The following PRIM2 variants were observed in gnomAD, a reference collection of about 807,000 sequenced individuals.
The protein encoded by PRIM2 is DNA primase subunit 2, also known as DNA primase large subunit.
PRIM2 carries 39 observed loss-of-function variants against 67.3 expected under a neutral mutation model. The observed-to-expected ratio is 0.58, with a 90% CI of 0.45 to 0.76. PRIM2 has a LOEUF of 0.76. Among genes scored for constraint, PRIM2 ranks in the 30% least tolerant of loss-of-function variants. The probability of loss-of-function intolerance (pLI) is 0.00; values close to 1 mark genes in which losing one functional copy is unlikely to be tolerated. For synonymous variants in PRIM2, 143 were observed against 198.7 expected (o/e 0.72, Z 2.36); for missense variants, 398 against 598.7 (o/e 0.66, Z 3.50).
At chr6:57,603,490 G>A (rs1287304123) in intron 11 of PRIM2, among the ~76,000 whole-genome samples, 1 of 152,058 alleles carries the variant, frequency 6.6e-6, no homozygotes, top group Admixed American at 6.6e-5. Flanking sequence ...TCAGATAGTT[G>A]TAAGTATGCT....
chr6:57,298,538 G>A, the PRIM2 span, among the ~76,000 whole-genome samples: 1 of 152,126 alleles, frequency 6.6e-6, no homozygotes, highest in East Asian at 1.9e-4. Flanking sequence ...TGGGAAGCAG[G>A]GCTCGGGGCA....
intron 5 of PRIM2, among the ~76,000 whole-genome samples, chr6:57,357,366 G>C (rs1769064249): frequency 6.6e-6 from 1 of 152,094 alleles, no homozygotes; most frequent in Admixed American, 6.5e-5. Context: ...GTTACCTCAA[G>C]CTCTCATCCC....
At chr6:57,612,265 C>T (rs1414683139) in intron 12 of PRIM2, among the ~76,000 whole-genome samples, 4 of 152,108 alleles carry the variant, frequency 2.6e-5, no homozygotes, top group African/African-American at 7.2e-5. Flanking sequence ...AAGCATAAGT[C>T]CACATAAAAA....
At chr6:57,497,907 A>G (rs1309798044) in intron 7 of PRIM2, among the ~76,000 whole-genome samples, 2 of 152,314 alleles carry the variant, frequency 1.3e-5, no homozygotes, top group Non-Finnish European at 1.5e-5. Flanking sequence ...ATTTGGTTCC[A>G]GGAGCAAGGG....
At chr6:57,407,600 C>T (rs1368846447) in intron 7 of PRIM2, among the ~76,000 whole-genome samples, 3 of 152,272 alleles carry the variant, frequency 2.0e-5, no homozygotes, top group East Asian at 1.9e-4. Context: ...CCTTCAAATA[C>T]GTATCATTTG....
the PRIM2 span, among the ~76,000 whole-genome samples, chr6:57,298,443 G>A: frequency 6.6e-6 from 1 of 152,076 alleles, no homozygotes; most frequent in African/African-American, 2.4e-5. Context: ...CTGGTACACT[G>A]TGCTGAGGGA....
Position 57,471,619 on chromosome 6 carries a change from G to A in PRIM2, c.694-35768G>A, listed in dbSNP as rs1257399566. Among the ~76,000 whole-genome samples, 5 of 152,294 alleles carry A rather than the reference G, an allele frequency of 3.3e-5. No individual in the cohort carries two copies. In the South Asian group the frequency reaches 1.0e-3, roughly 32 times the overall value. Reference sequence around the variant, plus strand: ...GCTACATGGTCTGTTTATATTGAAGGTGAAATCACAGCAGTATAGGGCAGA... The same window carrying A: ...GCTACATGGTCTGTTTATATTGAAGATGAAATCACAGCAGTATAGGGCAGA... On this transcript the variant is annotated intron_variant, in intron 7 of 13. Coordinates refer to ENST00000615550, the MANE Select transcript of PRIM2 (RefSeq NM_000947.5).
At chr6:57,371,751 C>A (rs1368341406) in intron 5 of PRIM2, among the ~76,000 whole-genome samples, 4 of 152,188 alleles carry the variant, frequency 2.6e-5, no homozygotes, top group Non-Finnish European at 4.4e-5. Context: ...GATTTCTTCT[C>A]CTTTCACCCT....
At chr6:57,296,221 A>C in the PRIM2 span, among the ~76,000 whole-genome samples, 230 of 152,350 alleles carry the variant, frequency 1.5e-3, 1 homozygote, top group South Asian at 5.6e-3. Flanking sequence ...GCACAAATAG[A>C]AATGCACATG....
At chr6:57,566,235 C>G (rs1218961701) in intron 10 of PRIM2, among the ~76,000 whole-genome samples, 10 of 150,052 alleles carry the variant, frequency 6.7e-5, no homozygotes, top group Admixed American at 4.7e-4. Flanking sequence ...TCAGGCGCAA[C>G]CTTTTTGGCA....
chr6:57,479,515 A>G (rs1350630188), intron 7 of PRIM2, among the ~76,000 whole-genome samples: 2 of 152,170 alleles, frequency 1.3e-5, no homozygotes, highest in African/African-American at 2.4e-5. Context: ...TGAGTAGGTG[A>G]TAGTTTCCAG....
chr6:57,274,433 T>TG, the PRIM2 span, among the ~76,000 whole-genome samples: 1 of 152,324 alleles, frequency 6.6e-6, no homozygotes, highest in South Asian at 2.1e-4. Context: ...GAGCCAGGTG[T>TG]GGGACATAAT....
the PRIM2 span, among the ~76,000 whole-genome samples, chr6:57,269,680 G>A: frequency 6.6e-6 from 1 of 152,046 alleles, no homozygotes; most frequent in Non-Finnish European, 1.5e-5. Context: ...ATTGCTTTTG[G>A]TGTTTTAGAC....
chr6:57,597,579 A>G (rs1414372474), intron 10 of PRIM2, among the ~76,000 whole-genome samples: 2 of 152,226 alleles, frequency 1.3e-5, no homozygotes, highest in Non-Finnish European at 2.9e-5. Context: ...TATAATCCCC[A>G]TAGCAATTTA....
intron 8 of PRIM2, among the ~76,000 whole-genome samples, chr6:57,518,218 A>G (rs1774527176): frequency 1.3e-5 from 2 of 152,196 alleles, no homozygotes; most frequent in Non-Finnish European, 2.9e-5. Context: ...GCATACATAC[A>G]ATCTACCAGG....
At chr6:57,536,300 C>T (rs1458410686) in intron 9 of PRIM2, among the ~76,000 whole-genome samples, 1 of 152,178 alleles carries the variant, frequency 6.6e-6, no homozygotes, top group Non-Finnish European at 1.5e-5. Flanking sequence ...GCAATTGAAA[C>T]CGTAAGTGAA....
chr6:57,448,240 A>G (rs1206571167), intron 7 of PRIM2, among the ~76,000 whole-genome samples: 1 of 152,208 alleles, frequency 6.6e-6, no homozygotes, highest in East Asian at 1.9e-4. Context: ...AACCATTTTT[A>G]TAAGATATTT....
intron 5 of PRIM2, among the ~76,000 whole-genome samples, chr6:57,377,483 A>AT (rs1475060566): frequency 8.4e-5 from 12 of 142,070 alleles, no homozygotes; most frequent in African/African-American, 3.2e-4. Context: ...AAGGGTTTTC[A>AT]TTTGTTTTTT....
chr6:57,587,627 G>A (rs1776214495), intron 10 of PRIM2, among the ~76,000 whole-genome samples: 2 of 115,438 alleles, frequency 1.7e-5, no homozygotes, highest in Admixed American at 2.6e-4. Flanking sequence ...TCAAGCCACT[G>A]TACTCCAGCC....
Sources: allele counts gnomAD v4.1 joint callset (sites outside exome capture counted in the v4.1 genomes callset), GRCh38; gene constraint gnomAD v4.1.1; transcripts MANE v1.5; gene names NCBI Gene and HGNC (gene_info 2026-07-23, HGNC 2026-07-21).